The following UBE2E3 variants were observed in gnomAD, a reference collection of about 807,000 sequenced individuals.
UBE2E3 encodes the protein ubiquitin conjugating enzyme E2 E3, also known as ubiquitin-conjugating enzyme E2 E3.
Under a neutral mutation model 23.6 loss-of-function variants are expected in UBE2E3, and 5 were observed. The ratio of observed to expected loss-of-function variants is 0.21; its 90% CI spans 0.11 to 0.44. The LOEUF is 0.44. Ranked by LOEUF, UBE2E3 falls within the 20% of genes least tolerant of loss-of-function variation. UBE2E3 has a pLI of 0.99. For missense variants in UBE2E3, 81 were observed against 249.8 expected (o/e 0.32, Z 4.55); for synonymous variants, 78 against 87.5 (o/e 0.89, Z 0.60).
In UBE2E3 at chr2:181,014,457, G is replaced by A. The variant is rs1467423863; in HGVS notation, c.245+30364G>A. On this transcript the variant is annotated intron_variant, in intron 3 of 5. Transcript: ENST00000410062. ...GAGAGGATGAAAAGAGGGGAAAAAA[G>A]CTTTGAGAAGAGTTAACTTTTAATG... Among the ~76,000 whole-genome samples the A allele has an allele frequency of 2.0e-5, 3 of 152,122 alleles. No homozygotes were observed. The East Asian group carries it at 5.8e-4, about 29-fold the overall frequency.
chr2:180,984,009 A>G (rs1019450935), intron 2 of UBE2E3, 34 bp from the exon 3 acceptor site: 6 of 1,585,758 alleles, frequency 3.8e-6, no homozygotes, highest in Non-Finnish European at 5.2e-6. Flanking sequence ...AGACTATATC[A>G]AATCCTTTTT....
At chr2:180,989,388 G>T (rs1170123287) in intron 3 of UBE2E3, among the ~76,000 whole-genome samples, 1 of 152,102 alleles carries the variant, frequency 6.6e-6, no homozygotes, top group Non-Finnish European at 1.5e-5. Flanking sequence ...CTCTCAAATT[G>T]ACATAGAAAT....
chr2:181,062,595 A>G (rs1427358337), intron 5 of UBE2E3, among the ~76,000 whole-genome samples, 196 bp from the exon 6 acceptor site: 1 of 145,732 alleles, frequency 6.9e-6, no homozygotes, highest in Non-Finnish European at 1.5e-5. Context: ...TTTTTTTTTT[A>G]TGAAGGGGAC....
At chr2:181,041,085 C>G (rs1574212224) in intron 3 of UBE2E3, among the ~76,000 whole-genome samples, 1 of 151,422 alleles carries the variant, frequency 6.6e-6, no homozygotes, top group South Asian at 2.1e-4. Context: ...CAGTCTCTAC[C>G]AAAAATAAAA....
rs201918487 is a variant in UBE2E3 at position 181,024,937 on chromosome 2, A to G, written c.246-32756A>G. Among the ~76,000 whole-genome samples the G allele has an allele frequency of 3.9e-5, 6 of 152,128 alleles. No homozygotes were observed. The East Asian group carries it at 5.8e-4, about 15-fold the overall frequency. ...TACTATACTGCTTCACATCAGCTCT[A>G]TTAATAAAAGTAGAACAGTTGCAAA... On this transcript the variant is annotated intron_variant, in intron 3 of 5. Coordinates refer to ENST00000410062, the MANE Select transcript of UBE2E3 (RefSeq NM_006357.4).
intron 1 of UBE2E3, among the ~76,000 whole-genome samples, chr2:180,981,661 C>A (rs557159463): frequency 1.2e-4 from 19 of 152,304 alleles, no homozygotes; most frequent in African/African-American, 4.3e-4. Context: ...GACTTTTAAA[C>A]ATTTTTCAGC....
intron 3 of UBE2E3, among the ~76,000 whole-genome samples, chr2:181,026,790 A>G (rs968283483): frequency 6.6e-6 from 1 of 151,898 alleles, no homozygotes; most frequent in Non-Finnish European, 1.5e-5. Context: ...ACACATGCTA[A>G]TGGCAATATT....
rs115468911 is a variant in UBE2E3, at chr2:181,030,250, A to T, written c.246-27443A>T. The stretch of plus-strand genomic sequence containing the variant: ...TACTTTATCTACTAAAGTAATAATC[A>T]TATGGTTTTGCTTTAATCTATTAAT... On this transcript the variant is annotated intron_variant, in intron 3 of 5. Coordinates refer to ENST00000410062, the MANE Select transcript of UBE2E3 (RefSeq NM_006357.4). Among the ~76,000 whole-genome samples the T allele has an allele frequency of 2.7e-3, 414 of 152,056 alleles. 3 individuals carry two copies. Among genetic ancestry groups the T allele is most frequent in the African/African-American group, 9.7e-3 (401 of 41,504 alleles).
chr2:181,031,140 T>A (rs939436679), intron 3 of UBE2E3, among the ~76,000 whole-genome samples: 33 of 152,290 alleles, frequency 2.2e-4, no homozygotes, highest in African/African-American at 7.0e-4. Flanking sequence ...TTTTAAAAAA[T>A]TTGTTAAAAA....
chr2:180,999,159 C>T (rs750095512), intron 3 of UBE2E3, among the ~76,000 whole-genome samples: 9 of 151,944 alleles, frequency 5.9e-5, no homozygotes, highest in African/African-American at 2.2e-4. Flanking sequence ...TATAAAAGGT[C>T]GAATTTATTT....
At position 181,060,888 on chromosome 2, in the gene UBE2E3, T is replaced by A. The variant is rs868293725; in HGVS notation, c.526+76T>A. ...TTTTTTTTTTTTTTTTTTTTTTTTT[T>A]AGTTAGCTTTAAATGTAGATTGAGA... On this transcript the variant is annotated intron_variant, in intron 5 of 5. Coordinates refer to ENST00000410062, the MANE Select transcript of UBE2E3 (RefSeq NM_006357.4). 237 of 936,546 alleles carry A rather than the reference T, an allele frequency of 2.5e-4. 4 individuals carry two copies. The highest frequency in any genetic ancestry group is 1.2e-3 in the South Asian group (56 of 47,720). The allele number at this position is 936,546 out of a possible 1,614,324, so 58.0% of individuals were successfully genotyped here. A position where few individuals can be genotyped will look rare whatever the true frequency, so the allele number is the denominator to read the frequency against.
intron 3 of UBE2E3, among the ~76,000 whole-genome samples, chr2:181,016,689 G>A (rs1246302041): frequency 6.6e-6 from 1 of 152,132 alleles, no homozygotes; most frequent in Non-Finnish European, 1.5e-5. Context: ...TTTAACAACT[G>A]TCGCCCTATC....
At chr2:181,049,380 C>T (rs964615595) in intron 3 of UBE2E3, among the ~76,000 whole-genome samples, 8 of 152,000 alleles carry the variant, frequency 5.3e-5, no homozygotes, top group Non-Finnish European at 1.2e-4. Flanking sequence ...GTTTAACTGA[C>T]TGGACTTGGA....
At chr2:180,993,624 A>T (rs1283456888) in intron 3 of UBE2E3, among the ~76,000 whole-genome samples, 1 of 152,136 alleles carries the variant, frequency 6.6e-6, no homozygotes, top group African/African-American at 2.4e-5. Context: ...CTTTTTATAA[A>T]CACTGTTTAT....
intron 3 of UBE2E3, among the ~76,000 whole-genome samples, chr2:181,054,593 T>C (rs776814672): frequency 1.9e-4 from 29 of 152,032 alleles, no homozygotes; most frequent in Middle Eastern, 3.4e-3. Context: ...TTCATTTTCT[T>C]TAGTTTTAAT....
intron 3 of UBE2E3, among the ~76,000 whole-genome samples, chr2:181,055,750 G>A (rs1574224705): frequency 1.3e-5 from 2 of 151,766 alleles, no homozygotes; most frequent in African/African-American, 4.8e-5. Context: ...TGGGAAGAGA[G>A]CACATTTAAG....
chr2:181,060,856 G>A (rs1687129120), intron 5 of UBE2E3, 44 bp downstream of exon 5: 5 of 466,218 alleles, frequency 1.1e-5, no homozygotes, highest in African/African-American at 2.6e-5. Flanking sequence ...CTACAAAAAC[G>A]AGTGCTTTTT....
At chr2:180,994,982 A>G (rs1159809190) in intron 3 of UBE2E3, among the ~76,000 whole-genome samples, 1 of 152,194 alleles carries the variant, frequency 6.6e-6, no homozygotes, top group Non-Finnish European at 1.5e-5. Flanking sequence ...ACTATAACAT[A>G]CTGTATTACT....
At chr2:181,054,677 C>T (rs1686937956) in intron 3 of UBE2E3, among the ~76,000 whole-genome samples, 1 of 151,748 alleles carries the variant, frequency 6.6e-6, no homozygotes, top group African/African-American at 2.4e-5. Flanking sequence ...AAGACTGTTG[C>T]CTGCCTTGTT....
Sources: gnomAD v4.1 joint callset for allele counts (sites outside exome capture counted in the v4.1 genomes callset) on GRCh38, gnomAD v4.1.1 for gene constraint, MANE v1.5 for transcripts, NCBI Gene and HGNC (gene_info 2026-07-23, HGNC 2026-07-21) for gene names.